Variants in SHTN1 observed in about 807,000 individuals in gnomAD.
The protein encoded by SHTN1 is shootin 1, also known as shootin-1.
In SHTN1, 42 loss-of-function variants were observed where a neutral mutation model predicts 83.1. The observed-to-expected ratio is 0.51, with a 90% CI of 0.39 to 0.65. The LOEUF is 0.65. SHTN1 is among the 30% of genes least tolerant of loss of function. The pLI is 0.00. For synonymous variants in SHTN1, 224 were observed against 247.7 expected (o/e 0.90, Z 0.90); for missense variants, 622 against 737.8 (o/e 0.84, Z 1.82).
rs1189101064 is a variant in SHTN1 at position 117,081,124 on chromosome 10, G to A, written c.-188-32614C>T. ...CCCTGTCTTGTGCCAGTTTTCAAAG[G>A]GAATGCTTCCAGTTTTTGCCCATTC... is the stretch of plus-strand genomic sequence containing the variant. On this transcript the variant is annotated intron_variant, in intron 1 of 17. Coordinates refer to the SHTN1 transcript ENST00000392901. Among the ~76,000 whole-genome samples the A allele has an allele frequency of 4.5e-3, 671 of 148,836 alleles. 6 individuals are homozygous for A. The highest frequency in any genetic ancestry group is 0.016 in the African/African-American group (636 of 40,788).
intron 7 of SHTN1, among the ~76,000 whole-genome samples, chr10:116,947,500 A>G (rs1182025688): frequency 2.6e-5 from 4 of 152,232 alleles, no homozygotes; most frequent in South Asian, 4.1e-4. Flanking sequence ...AAGTAAAGCA[A>G]TAAGAGTGGT....
intron 1 of SHTN1, among the ~76,000 whole-genome samples, chr10:117,084,700 T>G (rs543429208): frequency 6.6e-6 from 1 of 152,142 alleles, no homozygotes; most frequent in South Asian, 2.1e-4. Context: ...CTCCGTGAGG[T>G]AGGACCCTCC....
intron 11 of SHTN1, among the ~76,000 whole-genome samples, chr10:116,925,053 G>A (rs973245263): frequency 6.6e-6 from 1 of 152,148 alleles, no homozygotes; most frequent in African/African-American, 2.4e-5. Context: ...ACTGCGCCCG[G>A]CCTTCACCTG....
chr10:116,892,513 T>C (rs1273692959), intron 16 of SHTN1, among the ~76,000 whole-genome samples: 3 of 152,214 alleles, frequency 2.0e-5, no homozygotes, highest in South Asian at 4.1e-4. Flanking sequence ...TTAAGAGACA[T>C]AGTCTTCCAC....
chr10:116,963,420 T>C (rs980979478), intron 3 of SHTN1, among the ~76,000 whole-genome samples: 1 of 152,062 alleles, frequency 6.6e-6, no homozygotes, highest in East Asian at 1.9e-4. Flanking sequence ...TAATTTGCCC[T>C]ATGGTTCTGA....
At chr10:117,051,599 T>C (rs147124563) in intron 1 of SHTN1, among the ~76,000 whole-genome samples, 2 of 152,012 alleles carry the variant, frequency 1.3e-5, no homozygotes, top group East Asian at 1.9e-4. Flanking sequence ...AATGCACAGG[T>C]AGTTCAACAT....
At chr10:116,904,980 T>A (rs1305532838) in intron 15 of SHTN1, among the ~76,000 whole-genome samples, 4 of 151,560 alleles carry the variant, frequency 2.6e-5, no homozygotes, top group African/African-American at 9.7e-5. Context: ...GGCGGGTGGA[T>A]CATGAGGTCA....
intron 2 of SHTN1, among the ~76,000 whole-genome samples, chr10:117,044,696 A>G (rs1158040097): frequency 6.6e-6 from 1 of 152,308 alleles, no homozygotes; most frequent in South Asian, 2.1e-4. Context: ...ATTAAAAAAT[A>G]TACCTCCAAA....
intron 1 of SHTN1, among the ~76,000 whole-genome samples, chr10:117,081,993 GATTC>G (rs1441552846): frequency 1.4e-5 from 2 of 139,830 alleles, no homozygotes; most frequent in African/African-American, 5.3e-5. Context: ...CCAGCTCCTG[GATTC>G]ATTAATTTTT....
At chr10:116,974,984 A>G (rs1332574191) in intron 2 of SHTN1, among the ~76,000 whole-genome samples, 2 of 152,200 alleles carry the variant, frequency 1.3e-5, no homozygotes, top group African/African-American at 2.4e-5. Context: ...CAAAATATAT[A>G]GTCATCTATT....
chr10:116,974,503 T>C (rs1030572105), intron 2 of SHTN1, among the ~76,000 whole-genome samples: 2 of 152,220 alleles, frequency 1.3e-5, no homozygotes, highest in African/African-American at 4.8e-5. Flanking sequence ...AACAGTATCA[T>C]ATATCCTGCT....
At chr10:117,072,576 G>A (rs1853099346) in intron 1 of SHTN1, among the ~76,000 whole-genome samples, 1 of 152,138 alleles carries the variant, frequency 6.6e-6, no homozygotes, top group Non-Finnish European at 1.5e-5. Flanking sequence ...CCCAGAGCCT[G>A]GTAGACTTGC....
At chr10:117,075,962 C>T (rs1311134123) in intron 1 of SHTN1, among the ~76,000 whole-genome samples, 2 of 151,990 alleles carry the variant, frequency 1.3e-5, no homozygotes, top group East Asian at 3.9e-4. Context: ...GTGAGCAGAC[C>T]ACTTGAGTCC....
intron 1 of SHTN1, among the ~76,000 whole-genome samples, chr10:117,069,914 T>C (rs1169197126): frequency 6.6e-6 from 1 of 152,036 alleles, no homozygotes; most frequent in Non-Finnish European, 1.5e-5. Flanking sequence ...ATTGTACATA[T>C]TACAAAGGCA....
At chr10:116,907,832 C>T in intron 14 of SHTN1, 1 of 508,734 alleles carries the variant, frequency 2.0e-6, no homozygotes, top group Non-Finnish European at 3.9e-6. Context: ...CTTTTGTCCA[C>T]CAAGGCTAAT....
At chr10:117,115,376 T>C (rs536928996) in intron 1 of SHTN1, among the ~76,000 whole-genome samples, 27 of 152,100 alleles carry the variant, frequency 1.8e-4, no homozygotes, top group Non-Finnish European at 3.2e-4. Flanking sequence ...GCTCAATAAA[T>C]AGCAGCTAAA....
chr10:117,052,307 GT>G (rs2133589315), intron 1 of SHTN1, among the ~76,000 whole-genome samples: 1 of 152,048 alleles, frequency 6.6e-6, no homozygotes, highest in South Asian at 2.1e-4. Flanking sequence ...GACAATCCAT[GT>G]TCATGTACTA....
At chr10:116,978,541 G>A (rs1027349523) in intron 2 of SHTN1, among the ~76,000 whole-genome samples, 5 of 151,294 alleles carry the variant, frequency 3.3e-5, no homozygotes, top group Non-Finnish European at 7.4e-5. Context: ...GTCCCTCTAC[G>A]TTTCTGACCT....
intron 2 of SHTN1, among the ~76,000 whole-genome samples, chr10:117,046,414 C>T (rs1435482877): frequency 2.0e-5 from 3 of 152,180 alleles, no homozygotes; most frequent in Admixed American, 1.3e-4. Context: ...AAGCATCATA[C>T]ATTGCCAGTG....
Sources: allele counts gnomAD v4.1 joint callset (sites outside exome capture counted in the v4.1 genomes callset), GRCh38; gene constraint gnomAD v4.1.1; transcripts MANE v1.5; gene names NCBI Gene and HGNC (gene_info 2026-07-23, HGNC 2026-07-21).